Variants in MAMLD1 observed in about 807,000 individuals in gnomAD.
The protein encoded by MAMLD1 is mastermind-like domain-containing protein 1.
In MAMLD1, 14 loss-of-function variants were observed where a neutral mutation model predicts 45.0. That is an observed-to-expected ratio of 0.31 (90% CI 0.21 to 0.49). The LOEUF is 0.49. Ranked by LOEUF, MAMLD1 falls within the 20% of genes least tolerant of loss-of-function variation. MAMLD1 has a pLI of 0.99. For missense variants in MAMLD1, 543 were observed against 603.6 expected (o/e 0.90, Z 1.05); for synonymous variants, 254 against 247.8 (o/e 1.02, Z -0.24).
At chrX:150,500,911 T>C (rs2037532527) in intron 5 of MAMLD1, among the ~76,000 whole-genome samples, 1 of 112,081 alleles carries the variant, frequency 8.9e-6, no homozygotes, top group Non-Finnish European at 1.9e-5. Context: ...TTATTTTTTG[T>C]GTTAACTGGG....
intron 1 of MAMLD1, among the ~76,000 whole-genome samples, chrX:150,443,157 A>G (rs1400761932): frequency 9.2e-6 from 1 of 109,229 alleles, no homozygotes; most frequent in Non-Finnish European, 1.9e-5. Context: ...AGGTTCACTC[A>G]GCTTCTTAAA....
intron 1 of MAMLD1, among the ~76,000 whole-genome samples, chrX:150,411,734 C>A (rs1469788595): frequency 1.8e-5 from 2 of 111,329 alleles, no homozygotes; most frequent in Non-Finnish European, 3.8e-5. Flanking sequence ...CCAGTGAGAC[C>A]CTTTGCTGCC....
chrX:150,480,070 T>C (rs782442365), intron 5 of MAMLD1, among the ~76,000 whole-genome samples: 64 of 111,890 alleles, frequency 5.7e-4, no homozygotes, highest in Non-Finnish European at 9.4e-4. Context: ...CTTCTGACTC[T>C]CACTTCCAGC....
intron 1 of MAMLD1, among the ~76,000 whole-genome samples, chrX:150,400,364 C>A (rs2033694084): frequency 8.9e-6 from 1 of 112,155 alleles, no homozygotes; most frequent in South Asian, 3.7e-4. Flanking sequence ...TGGGCTGAGA[C>A]AATGGGGTTT....
At chrX:150,367,898 T>A (rs1266409023) in intron 1 of MAMLD1, among the ~76,000 whole-genome samples, 1 of 111,951 alleles carries the variant, frequency 8.9e-6, no homozygotes, top group Non-Finnish European at 1.9e-5. Flanking sequence ...CTCATCCTTT[T>A]TTATGGCTGC....
intron 1 of MAMLD1, among the ~76,000 whole-genome samples, chrX:150,373,889 A>G (rs1373635330): frequency 8.9e-6 from 1 of 111,834 alleles, no homozygotes; most frequent in African/African-American, 3.3e-5. Context: ...TTCAGGGCTT[A>G]GGGAAGCCCT....
chrX:150,495,956 C>T (rs1394260017), intron 5 of MAMLD1, among the ~76,000 whole-genome samples: 3 of 112,363 alleles, frequency 2.7e-5, no homozygotes, highest in Admixed American at 1.9e-4. Context: ...GCTGTTATCT[C>T]CTCTCCTATT....
chrX:150,429,343 A>G (rs2034834620), intron 1 of MAMLD1, among the ~76,000 whole-genome samples: 1 of 62,169 alleles, frequency 1.6e-5, no homozygotes, highest in Admixed American at 1.3e-4. Flanking sequence ...AGTTGATTGA[A>G]AAAAATAGTG....
intron 1 of MAMLD1, among the ~76,000 whole-genome samples, chrX:150,398,301 A>AGAAGAAGAAGAAGAG (rs1569564562): frequency 1.0e-5 from 1 of 95,573 alleles, no homozygotes; most frequent in East Asian, 3.3e-4. Flanking sequence ...AAGAAGAAGA[A>AGAAGAAGAAGAAGAG]GAAGAAGAAG....
rs781989679 is a variant in MAMLD1 at position 150,372,676 on chromosome X, A to T, written c.-64+9146A>T. 3.6e-5 allele frequency among the ~76,000 whole-genome samples: 4 copies of T among 112,613 alleles called. No individual in the cohort carries two copies. The East Asian group carries it at 8.3e-4, about 23-fold the overall frequency. Reference sequence around the variant, plus strand: ...TTATTTCCCTGCCACTCTAAAATTAATTTCCGGAATACGGAGTCAAACCTG... The same window carrying T: ...TTATTTCCCTGCCACTCTAAAATTATTTTCCGGAATACGGAGTCAAACCTG... On this transcript the variant is annotated intron_variant, in intron 1 of 7. Coordinates refer to ENST00000370401, the MANE Select transcript of MAMLD1 (RefSeq NM_005491.5).
chrX:150,368,858 G>C (rs782735996), intron 1 of MAMLD1, among the ~76,000 whole-genome samples: 179 of 112,164 alleles, frequency 1.6e-3, no homozygotes, highest in Admixed American at 0.015. Context: ...GTTTGTCAAA[G>C]ATCAGATGGT....
At chrX:150,433,297 C>T (rs1253967256) in intron 1 of MAMLD1, among the ~76,000 whole-genome samples, 2 of 112,009 alleles carry the variant, frequency 1.8e-5, no homozygotes, top group East Asian at 5.6e-4. Context: ...TTTATCAGAT[C>T]AGGTAACTTT....
intron 1 of MAMLD1, among the ~76,000 whole-genome samples, chrX:150,409,415 C>T (rs1389782332): frequency 6.3e-5 from 7 of 110,464 alleles, no homozygotes; most frequent in African/African-American, 2.3e-4. Context: ...AAGCCAAGCT[C>T]GCGATTGGAG....
rs1418618144 is a variant in MAMLD1 at position 150,399,415 on chromosome X, TC to T, written c.-64+35890del. On this transcript the variant is annotated intron_variant, in intron 1 of 7. Transcript: ENST00000370401. ...GAATTGGGCTGTGAGTTGAATTGTG[TC>T]CCCCAAAACAATACATTGAAATCTT... 2.7e-5 allele frequency among the ~76,000 whole-genome samples: 3 copies of T among 111,867 alleles called. No homozygotes were observed. The Admixed American group carries it at 2.8e-4, about 11-fold the overall frequency.
chrX:150,456,797 G>A (rs1456610005), intron 2 of MAMLD1, among the ~76,000 whole-genome samples: 2 of 112,405 alleles, frequency 1.8e-5, no homozygotes, highest in South Asian at 3.7e-4. Context: ...GGGAGCATAC[G>A]AGGAGCTCAC....
intron 1 of MAMLD1, among the ~76,000 whole-genome samples, chrX:150,383,415 C>T (rs1382522157): frequency 9.0e-6 from 1 of 111,148 alleles, no homozygotes; most frequent in African/African-American, 3.3e-5. Flanking sequence ...CATTGTGCTC[C>T]TCTTTGATTT....
At chrX:150,486,636 G>A (rs1368793647) in intron 5 of MAMLD1, among the ~76,000 whole-genome samples, 1 of 111,295 alleles carries the variant, frequency 9.0e-6, no homozygotes, top group Non-Finnish European at 1.9e-5. Flanking sequence ...CCACACTTAG[G>A]GAAAACCTAT....
chrX:150,487,664 C>G (rs2037038591), intron 5 of MAMLD1, among the ~76,000 whole-genome samples: 1 of 112,023 alleles, frequency 8.9e-6, no homozygotes, highest in Admixed American at 9.4e-5. Flanking sequence ...GGCCCCTCAC[C>G]TGGCCAACAT....
intron 2 of MAMLD1, among the ~76,000 whole-genome samples, chrX:150,459,888 C>A (rs2035982855): frequency 9.1e-6 from 1 of 110,336 alleles, no homozygotes; most frequent in African/African-American, 3.3e-5. Flanking sequence ...GCAGGCAAGA[C>A]TCTTTAATCT....
Sources: gnomAD v4.1 joint callset for allele counts (sites outside exome capture counted in the v4.1 genomes callset) on GRCh38, gnomAD v4.1.1 for gene constraint, MANE v1.5 for transcripts, NCBI Gene and HGNC (gene_info 2026-07-23, HGNC 2026-07-21) for gene names.